Variants in SMARCAL1 observed in about 807,000 individuals in gnomAD.
The protein encoded by SMARCAL1 is SNF2 related chromatin remodeling annealing helicase 1.
Under a neutral mutation model 94.5 loss-of-function variants are expected in SMARCAL1, and 58 were observed. That is an observed-to-expected ratio of 0.61 (90% confidence interval 0.50 to 0.76). The LOEUF is 0.76. Ranked by LOEUF, SMARCAL1 falls within the 30% of genes least tolerant of loss-of-function variation. SMARCAL1 has a pLI of 0.00. For synonymous variants in SMARCAL1, 422 were observed against 455.1 expected (o/e 0.93, Z 0.93); for missense variants, 1,051 against 1,177.9 (o/e 0.89, Z 1.58).
At chr2:216,426,993 CTT>C (rs1288625493) in intron 6 of SMARCAL1, 2 of 152,240 alleles carry the variant, frequency 1.3e-5, no homozygotes, top group Non-Finnish European at 2.9e-5. Flanking sequence ...CCTCCTCTCT[CTT>C]TTCTAAGTGA....
At chr2:216,448,504 C>T (rs1410505100) in intron 11 of SMARCAL1, among the ~76,000 whole-genome samples, 1 of 152,200 alleles carries the variant, frequency 6.6e-6, no homozygotes, top group East Asian at 1.9e-4. Context: ...CTGCCAGAAA[C>T]TAAGGCATTA....
chr2:216,419,079 G>A (rs534202472), intron 4 of SMARCAL1, among the ~76,000 whole-genome samples: 5 of 152,192 alleles, frequency 3.3e-5, no homozygotes, highest in Admixed American at 6.5e-5. Flanking sequence ...GAACACCTTC[G>A]TACCTAAGTT....
intron 7 of SMARCAL1, among the ~76,000 whole-genome samples, chr2:216,430,875 A>G (rs984768112): frequency 6.6e-6 from 1 of 152,158 alleles, no homozygotes; most frequent in African/African-American, 2.4e-5. Context: ...ACATCTTTTC[A>G]CACCTGCCCT....
chr2:216,468,806 C>T (rs368039572), intron 14 of SMARCAL1, among the ~76,000 whole-genome samples: 6 of 152,058 alleles, frequency 3.9e-5, no homozygotes, highest in African/African-American at 9.7e-5. Flanking sequence ...CTGTAGCCTC[C>T]GCTTCTCAGG....
chr2:216,434,415 C>T (rs746740666), intron 8 of SMARCAL1, among the ~76,000 whole-genome samples: 2 of 152,160 alleles, frequency 1.3e-5, no homozygotes, highest in Non-Finnish European at 2.9e-5. Flanking sequence ...CTTCAGTGTA[C>T]CAGGCTCTGC....
At chr2:216,421,069 A>G (rs766190652) in intron 5 of SMARCAL1, among the ~76,000 whole-genome samples, 16 of 152,144 alleles carry the variant, frequency 1.1e-4, no homozygotes, top group South Asian at 1.0e-3. Flanking sequence ...ATGGTGCCAC[A>G]GTTTGAAAAT....
intron 12 of SMARCAL1, among the ~76,000 whole-genome samples, chr2:216,461,317 A>C (rs1406637069): frequency 6.6e-6 from 1 of 152,028 alleles, no homozygotes; most frequent in Non-Finnish European, 1.5e-5. Context: ...ATTTTGGCAT[A>C]TATAATTTGA....
rs200666300 is a variant in SMARCAL1, at chr2:216,477,140, G to A, written c.2459G>A (p.Arg820His). The change falls in exon 16 of 18, where the codon CGC (arginine) becomes CAC (histidine). Residue 820 changes from arginine (R) to histidine (H), a missense_variant. This residue lies in a region of SMARCAL1 where 642 missense variants were observed against 754.7 expected (regional missense o/e 0.85). Transcript: ENST00000357276. ...VLIQAEDRVH[R>H]IGQTSSVGIH... is the part of the protein sequence containing the mutation. ...ATCCAGGCTGAGGACCGCGTGCACC[G>A]CATTGGACAGACCAGCTCCGTGGGC... 109 of 1,591,684 alleles carry A rather than the reference G, an allele frequency of 6.8e-5. No homozygotes were observed. Among genetic ancestry groups the A allele is most frequent in the Non-Finnish European group, 9.0e-5 (105 of 1,169,216 alleles).
intron 6 of SMARCAL1, among the ~76,000 whole-genome samples, chr2:216,425,959 G>A (rs1005328111): frequency 2.6e-5 from 4 of 152,298 alleles, no homozygotes; most frequent in South Asian, 4.1e-4. Flanking sequence ...ACCCCTGTCT[G>A]CCTAGGAAGT....
intron 4 of SMARCAL1, among the ~76,000 whole-genome samples, chr2:216,418,604 T>C (rs1693653251): frequency 6.6e-6 from 1 of 152,242 alleles, no homozygotes; most frequent in African/African-American, 2.4e-5. Flanking sequence ...TCATTAACCC[T>C]ACCACATACT....
In SMARCAL1 at chr2:216,438,428, T is replaced by C. The variant is rs747958443; in HGVS notation, c.1653T>C (p.Ser551=). 1 of 1,613,910 alleles carries C rather than the reference T, an allele frequency of 6.2e-7. No individual in the cohort carries two copies. Among genetic ancestry groups the C allele is most frequent in the Non-Finnish European group, 8.5e-7 (1 of 1,179,838 alleles). ...TPFKVVIIDE[S]HFLKNSRTAR... ...TGGCTACTTCTTTTCAGGATGAATC[T>C]CACTTCCTCAAAAACAGTAGGACTG... The change falls in exon 10 of 18, where the codon TCT becomes TCC. Residue 551 remains serine, a synonymous_variant. Transcript: ENST00000357276.
chr2:216,436,889 A>T (rs909595245), intron 9 of SMARCAL1, among the ~76,000 whole-genome samples: 2 of 152,228 alleles, frequency 1.3e-5, no homozygotes, highest in African/African-American at 4.8e-5. Context: ...AAATTTGCCC[A>T]TAGGCACAAA....
At position 216,446,765 on chromosome 2, in the gene SMARCAL1, A is replaced by G. The variant is rs1473583886; in HGVS notation, c.1711-253A>G. 11 of 626,746 alleles carry G rather than the reference A, an allele frequency of 1.8e-5. No individual in the cohort carries two copies. The East Asian group carries it at 3.6e-4, about 21-fold the overall frequency. The allele number at this position is 626,746 out of a possible 1,614,324, so 38.8% of individuals were successfully genotyped here. A position where few individuals can be genotyped will look rare whatever the true frequency, so the allele number is the denominator to read the frequency against. ...ATCTCAAGAGGCTTGCAGTCTAACA[A>G]GGGAGACAGAAAAGTTATAATTCAA... is the stretch of plus-strand genomic sequence containing the variant. On this transcript the variant is annotated intron_variant, in intron 10 of 17. Transcript: ENST00000357276.
At chr2:216,462,696 A>G (rs1381328006) in intron 12 of SMARCAL1, among the ~76,000 whole-genome samples, 1 of 152,148 alleles carries the variant, frequency 6.6e-6, no homozygotes. Context: ...ATTCAAAGCT[A>G]AGAAGCTGGC....
intron 12 of SMARCAL1, among the ~76,000 whole-genome samples, chr2:216,463,713 G>A (rs561821164): frequency 1.3e-5 from 2 of 152,248 alleles, no homozygotes; most frequent in Admixed American, 6.5e-5. Context: ...TTATGTGGGA[G>A]GTATACCAAG....
Position 216,475,197 on chromosome 2 carries a change from G to A in SMARCAL1, c.2245-72G>A. 6.6e-7 allele frequency: 1 copy of A among 1,505,840 alleles called. No individual in the cohort carries two copies. The highest frequency in any genetic ancestry group is 9.2e-7 in the Non-Finnish European group (1 of 1,086,852). 93.3% of individuals were successfully genotyped at this position (1,505,840 alleles called of 1,614,324 possible). Reference sequence around the variant, plus strand: ...TGGAACCTGGTTCTGTGCTGGAGCTGTGGCTGGGTGTGGTTTGCTGAGAAG... The same window carrying A: ...TGGAACCTGGTTCTGTGCTGGAGCTATGGCTGGGTGTGGTTTGCTGAGAAG... On this transcript the variant is annotated intron_variant, in intron 14 of 17. Coordinates refer to ENST00000357276, the MANE Select transcript of SMARCAL1 (RefSeq NM_014140.4). This position sits in a 1 kb window ranked among gnomAD's most constrained non-coding sequence, Gnocchi z 4.4.
chr2:216,466,736 G>C (rs1024512711), intron 13 of SMARCAL1, among the ~76,000 whole-genome samples: 1 of 152,126 alleles, frequency 6.6e-6, no homozygotes, highest in Non-Finnish European at 1.5e-5. Flanking sequence ...TTGTGGCCTT[G>C]TGACTTTTTG....
chr2:216,444,496 T>A (rs1290031682), intron 10 of SMARCAL1, among the ~76,000 whole-genome samples: 1 of 152,134 alleles, frequency 6.6e-6, no homozygotes, highest in African/African-American at 2.4e-5. Flanking sequence ...TTCTCTTGGC[T>A]CTTAATTTTA....
intron 14 of SMARCAL1, 24 bp downstream of exon 14, chr2:216,468,070 A>G (rs764566464): frequency 1.3e-6 from 2 of 1,528,942 alleles, no homozygotes; most frequent in African/African-American, 1.4e-5. Flanking sequence ...GAAATTCACC[A>G]TGGGCTACTT....
Sources: allele counts gnomAD v4.1 joint callset (sites outside exome capture counted in the v4.1 genomes callset), GRCh38; gene constraint gnomAD v4.1.1; regional missense constraint gnomAD v4.1.1; non-coding constraint Gnocchi (gnomAD v3.1); transcripts MANE v1.5; gene names NCBI Gene and HGNC (gene_info 2026-07-23, HGNC 2026-07-21).